SLC25A16: variants seen among roughly 807,000 people sequenced by gnomAD.
SLC25A16 encodes mitochondrial coenzyme A transporter SLC25A16.
SLC25A16 carries 39 observed loss-of-function variants against 41.5 expected under a neutral mutation model. That is an observed-to-expected ratio of 0.94 (90% CI 0.73 to 1.23). The LOEUF is 1.23. Among genes scored for constraint, SLC25A16 ranks in the 50% most tolerant of loss-of-function variants. The pLI is 0.00. For synonymous variants in SLC25A16, 146 were observed against 147.8 expected (o/e 0.99, Z 0.09); for missense variants, 421 against 426.9 (o/e 0.99, Z 0.12).
At chr10:68,485,753 C>A (rs1257499320) in intron 8 of SLC25A16, among the ~76,000 whole-genome samples, 1 of 151,136 alleles carries the variant, frequency 6.6e-6, no homozygotes, top group African/African-American at 2.4e-5. Flanking sequence ...CAGCTCTTTG[C>A]CTCCTGGGTT....
At chr10:68,502,084 T>G (rs574613624) in intron 4 of SLC25A16, among the ~76,000 whole-genome samples, 36 of 149,038 alleles carry the variant, frequency 2.4e-4, no homozygotes, top group African/African-American at 8.6e-4. Flanking sequence ...TAATCCCAGC[T>G]ACTGGAGGGC....
intron 8 of SLC25A16, 88 bp from the exon 9 acceptor site, chr10:68,483,676 G>T: frequency 8.7e-7 from 1 of 1,146,766 alleles, no homozygotes; most frequent in Non-Finnish European, 1.2e-6. Context: ...GTTTTTTTGA[G>T]ATGGACTCTT....
At chr10:68,502,033 C>T (rs2052855321) in intron 4 of SLC25A16, among the ~76,000 whole-genome samples, 1 of 151,852 alleles carries the variant, frequency 6.6e-6, no homozygotes, top group Admixed American at 6.6e-5. Context: ...CCCATTTCTA[C>T]TAAAATACAA....
At chr10:68,491,370 C>T (rs919496250) in intron 6 of SLC25A16, among the ~76,000 whole-genome samples, 2 of 152,078 alleles carry the variant, frequency 1.3e-5, no homozygotes, top group African/African-American at 2.4e-5. Flanking sequence ...GGATTACAGG[C>T]ATGTGCGACC....
chr10:68,503,390 T>C lies in SLC25A16; in HGVS notation c.421+242A>G, dbSNP rs190677092. ...TAAAATGACTCTTTTTCAGTTGGCG[T>C]ACTGATAATTTCATATATATAACTG... On this transcript the variant is annotated intron_variant, in intron 4 of 8. Transcript: ENST00000609923. 1.6e-3 allele frequency: 545 copies of C among 351,084 alleles called. 3 individuals carry two copies. Among genetic ancestry groups the C allele is most frequent in the African/African-American group, 0.01 (477 of 47,514 alleles). The allele number at this position is 351,084 out of a possible 1,614,324, so 21.7% of individuals were successfully genotyped here. A position where few individuals can be genotyped will look rare whatever the true frequency, so the allele number is the denominator to read the frequency against.
intron 2 of SLC25A16, among the ~76,000 whole-genome samples, chr10:68,508,051 T>C (rs977415289): frequency 3.3e-5 from 5 of 151,846 alleles, no homozygotes; most frequent in African/African-American, 1.2e-4. Context: ...GGCAATATGG[T>C]GAAACCCTGT....
intron 4 of SLC25A16, chr10:68,499,913 T>C (rs1421678108): frequency 1.2e-5 from 7 of 582,128 alleles, no homozygotes; most frequent in Admixed American, 2.0e-5. Flanking sequence ...TCTCGCCAAG[T>C]AGGAAAGGAA....
chr10:68,513,650 A>G (rs2053108230), intron 2 of SLC25A16, among the ~76,000 whole-genome samples: 1 of 151,864 alleles, frequency 6.6e-6, no homozygotes, highest in Non-Finnish European at 1.5e-5. Flanking sequence ...AGTACTTAGG[A>G]AGGACAAGGC....
At chr10:68,494,351 A>G (rs1313126943) in intron 4 of SLC25A16, among the ~76,000 whole-genome samples, 1 of 139,770 alleles carries the variant, frequency 7.2e-6, no homozygotes, top group Non-Finnish European at 1.6e-5. Context: ...AGTCCCAGCT[A>G]GTCGAGAGGC....
rs1242688468 is a variant in SLC25A16 at position 68,522,407 on chromosome 10, C to A, written c.130+4839G>T. On this transcript the variant is annotated intron_variant, in intron 1 of 8. Transcript: ENST00000609923. ...AGAAAAGTGGAAATAAAGCCAGGCA[C>A]AGTGGCTCATGCCTGTAATTCTAAC... Among the ~76,000 whole-genome samples the A allele has an allele frequency of 1.9e-4, 28 of 151,222 alleles. 1 individual carries two copies. Among genetic ancestry groups the A allele is most frequent in the Admixed American group, 1.8e-3 (28 of 15,198 alleles).
intron 2 of SLC25A16, among the ~76,000 whole-genome samples, chr10:68,511,392 T>C (rs1234025140): frequency 6.6e-6 from 1 of 152,212 alleles, no homozygotes; most frequent in Non-Finnish European, 1.5e-5. Flanking sequence ...TTTATATGCC[T>C]TGTAGGGTAT....
At chr10:68,508,961 A>G (rs999960813) in intron 2 of SLC25A16, among the ~76,000 whole-genome samples, 75 of 152,260 alleles carry the variant, frequency 4.9e-4, no homozygotes, top group African/African-American at 1.6e-3. Flanking sequence ...TTATGTTATT[A>G]CTTAAAATTT....
chr10:68,479,574 G>GGGT lies in SLC25A16; in HGVS notation c.*3857_*3858insACC, dbSNP rs1564904750. The GGGT allele has an allele frequency of 7.0e-6, 1 of 143,770 alleles. No homozygotes were observed. Among genetic ancestry groups the GGGT allele is most frequent in the African/African-American group, 3.0e-5 (1 of 33,472 alleles). The allele number at this position is 143,770 out of a possible 1,614,324, so 8.9% of individuals were successfully genotyped here. A position where few individuals can be genotyped will look rare whatever the true frequency, so the allele number is the denominator to read the frequency against. ...TAGTCCCAGCATTTTGGGAAGTCGG[G>GGGT]GGGGCAGATCACTTGAGGTCAGGTA... On this transcript the variant is annotated 3_prime_UTR_variant, in exon 9 of 9. Transcript: ENST00000609923.
chr10:68,493,269 A>C, intron 5 of SLC25A16, 71 bp from the exon 6 acceptor site: 1 of 1,210,130 alleles, frequency 8.3e-7, no homozygotes, highest in Non-Finnish European at 1.2e-6. Flanking sequence ...AGAAAAAATC[A>C]CACTTTATAA....
chr10:68,483,647 G>C, intron 8 of SLC25A16, 59 bp from the exon 9 acceptor site: 2 of 1,415,658 alleles, frequency 1.4e-6, no homozygotes, highest in Non-Finnish European at 1.9e-6. Context: ...ACAATTTCAG[G>C]ATCCATAATA....
chr10:68,523,896 C>T (rs2053288626), intron 1 of SLC25A16, among the ~76,000 whole-genome samples: 2 of 151,980 alleles, frequency 1.3e-5, no homozygotes, highest in African/African-American at 4.8e-5. Context: ...GCCACGGGTT[C>T]GAGACCAGCC....
At chr10:68,523,399 A>C (rs2795881) in intron 1 of SLC25A16, among the ~76,000 whole-genome samples, 10,648 of 152,030 alleles carry the variant, frequency 0.07, 505 homozygotes, top group African/African-American at 0.13. Flanking sequence ...GGCCATAGAT[A>C]TTTTGTTCTC....
chr10:68,494,101 C>A (rs1044773047), intron 4 of SLC25A16, among the ~76,000 whole-genome samples: 5 of 152,270 alleles, frequency 3.3e-5, no homozygotes, highest in Admixed American at 2.6e-4. Context: ...AAGTAATCTA[C>A]ACCCAGCCCA....
Position 68,479,817 on chromosome 10 carries a change from CAAAA to C in SLC25A16, c.*3611_*3614del, listed in dbSNP as rs11361421. On this transcript the variant is annotated 3_prime_UTR_variant, in exon 9 of 9. Transcript: ENST00000609923. ...TGGGCAACAGAGTGAGGCTCTGTCT[CAAAA>C]AAAAAAAAAAAAAAGAAAGAAAAGA... 10 of 96,302 alleles carry C rather than the reference CAAAA, an allele frequency of 1.0e-4. No homozygotes were observed. The highest frequency in any genetic ancestry group is 4.4e-4 in the Admixed American group (4 of 9,034). The allele number at this position is 96,302 out of a possible 1,614,324, so 6.0% of individuals were successfully genotyped here. A position where few individuals can be genotyped will look rare whatever the true frequency, so the allele number is the denominator to read the frequency against.
Sources: gnomAD v4.1 joint callset for allele counts (sites outside exome capture counted in the v4.1 genomes callset) on GRCh38, gnomAD v4.1.1 for gene constraint, MANE v1.5 for transcripts, NCBI Gene and HGNC (gene_info 2026-07-23, HGNC 2026-07-21) for gene names.